GPT2: variants seen among roughly 807,000 people sequenced by gnomAD.
The protein encoded by GPT2 is glutamic--pyruvic transaminase 2.
Under a neutral mutation model 56.9 loss-of-function variants are expected in GPT2, and 30 were observed. The ratio of observed to expected loss-of-function variants is 0.53; its 90% CI spans 0.39 to 0.72. The LOEUF (loss-of-function observed/expected upper bound fraction) is 0.72, where lower values mean the gene tolerates loss of function less well. GPT2 is among the 30% of genes least tolerant of loss of function. GPT2 has a pLI of 0.00. For missense variants in GPT2, 542 were observed against 703.4 expected (o/e 0.77, Z 2.60); for synonymous variants, 271 against 283.1 (o/e 0.96, Z 0.43).
At chr16:46,924,833 G>A (rs34441389) in intron 10 of GPT2, among the ~76,000 whole-genome samples, 1,683 of 152,352 alleles carry the variant, frequency 0.011, 15 homozygotes, top group Non-Finnish European at 0.017. Context: ...ATGCCTGCGG[G>A]GGAAGCAGCA....
intron 2 of GPT2, among the ~76,000 whole-genome samples, chr16:46,893,683 C>A (rs1051282910): frequency 1.3e-5 from 2 of 152,182 alleles, no homozygotes; most frequent in Non-Finnish European, 2.9e-5. Context: ...TGGTGCCCTC[C>A]CCTGATCCCT....
intron 6 of GPT2, among the ~76,000 whole-genome samples, chr16:46,910,635 G>T (rs1042750346): frequency 6.6e-6 from 1 of 152,082 alleles, no homozygotes; most frequent in African/African-American, 2.4e-5. Flanking sequence ...TTACTCTGTG[G>T]CTCCAGGCCT....
rs1043553821 is a variant in GPT2 at position 46,930,114 on chromosome 16, T to C, written c.*1117T>C. 7 of 152,938 alleles carry C rather than the reference T, an allele frequency of 4.6e-5. No individual in the cohort carries two copies. The highest frequency in any genetic ancestry group is 8.8e-5 in the Non-Finnish European group (6 of 68,152). The allele number at this position is 152,938 out of a possible 1,614,324, so 9.5% of individuals were successfully genotyped here. ...TTCATTGCCGTGCTTTCATGCAGAGTGTTTTGCCTTCATGTTAGCTTCCGG... is the reference window on the plus strand; with the variant it reads ...TTCATTGCCGTGCTTTCATGCAGAGCGTTTTGCCTTCATGTTAGCTTCCGG... On this transcript the variant is annotated 3_prime_UTR_variant, in exon 12 of 12. Transcript: ENST00000340124.
chr16:46,907,341 G>A (rs915558202), intron 5 of GPT2, among the ~76,000 whole-genome samples: 6 of 152,228 alleles, frequency 3.9e-5, no homozygotes, highest in Admixed American at 6.5e-5. Context: ...GCCTACACAG[G>A]CAGAGCAGAC....
At chr16:46,910,485 G>T (rs1371552737) in intron 6 of GPT2, among the ~76,000 whole-genome samples, 1 of 151,910 alleles carries the variant, frequency 6.6e-6, no homozygotes. Context: ...AACCCAGGAG[G>T]CAGAGGTTGC....
chr16:46,927,889 C>T (rs1961449368), intron 11 of GPT2, among the ~76,000 whole-genome samples: 1 of 152,052 alleles, frequency 6.6e-6, no homozygotes, highest in Non-Finnish European at 1.5e-5. Context: ...ACTGTGGCAA[C>T]TTGGAAATTC....
Position 46,884,977 on chromosome 16 carries a change from C to A in GPT2, c.243+19C>A. ...GCAGCGGGTGAGCGCGCGCTGGGCC[C>A]CGGGGAGGCTGGGGCCGCTGAGCAA... On this transcript the variant is annotated intron_variant, in intron 2 of 11. Transcript: ENST00000340124. 6.8e-7 allele frequency: 1 copy of A among 1,466,076 alleles called. No individual in the cohort carries two copies. Among genetic ancestry groups the A allele is most frequent in the Non-Finnish European group, 9.1e-7 (1 of 1,100,964 alleles). The allele number at this position is 1,466,076 out of a possible 1,614,324, so 90.8% of individuals were successfully genotyped here.
Position 46,930,310 on chromosome 16 carries a change from C to A in GPT2, c.*1313C>A, listed in dbSNP as rs1348256164. On this transcript the variant is annotated 3_prime_UTR_variant, in exon 12 of 12. Transcript: ENST00000340124. ...CCCTCGCCTCCCTCACTGGGAGCTT[C>A]CCCATCCTCCCTGCCTTCCCCAGTG... The A allele has an allele frequency of 2.0e-5, 3 of 152,286 alleles. No individual in the cohort carries two copies. The highest frequency in any genetic ancestry group is 4.4e-5 in the Non-Finnish European group (3 of 68,058). 9.4% of individuals were successfully genotyped at this position (152,286 alleles called of 1,614,324 possible).
chr16:46,901,865 G>A (rs1418432113), intron 4 of GPT2, among the ~76,000 whole-genome samples: 2 of 152,234 alleles, frequency 1.3e-5, no homozygotes, highest in African/African-American at 4.8e-5. Context: ...GATGGGGTGT[G>A]GGCTGGGGCC....
At chr16:46,923,600 C>T (rs1369119019) in intron 9 of GPT2, among the ~76,000 whole-genome samples, 1 of 152,260 alleles carries the variant, frequency 6.6e-6, no homozygotes, top group Non-Finnish European at 1.5e-5. Flanking sequence ...GGACAGGCCA[C>T]ATAGTGCTTA....
At chr16:46,900,581 C>T (rs1960796409) in intron 3 of GPT2, 101 bp from the exon 4 acceptor site, 2 of 867,750 alleles carry the variant, frequency 2.3e-6, no homozygotes, top group Admixed American at 4.0e-5. Context: ...TTGCGTCAGC[C>T]CCATCCCTGG....
intron 3 of GPT2, among the ~76,000 whole-genome samples, chr16:46,899,035 A>ATTTTT (rs1188592006): frequency 6.5e-5 from 5 of 77,222 alleles, no homozygotes; most frequent in African/African-American, 4.5e-4. Flanking sequence ...ATATATATAT[A>ATTTTT]TTTTTTTTTT....
At chr16:46,888,279 T>C (rs1401999051) in intron 2 of GPT2, among the ~76,000 whole-genome samples, 3 of 152,256 alleles carry the variant, frequency 2.0e-5, no homozygotes, top group Admixed American at 6.5e-5. Context: ...AGAACTAAGA[T>C]TGGAAACCCT....
At chr16:46,926,836 A>G in intron 10 of GPT2, 89 bp from the exon 11 acceptor site, 1 of 808,106 alleles carries the variant, frequency 1.2e-6, no homozygotes, top group Non-Finnish European at 1.9e-6. Context: ...TGGGAGAGAG[A>G]CCTGCCATTT....
intron 7 of GPT2, among the ~76,000 whole-genome samples, chr16:46,918,251 G>A (rs922167595): frequency 5.3e-5 from 8 of 152,218 alleles, no homozygotes; most frequent in Admixed American, 2.6e-4. Flanking sequence ...CACTAATGCC[G>A]TCGTCACCAG....
At chr16:46,920,931 T>C (rs1378284397) in intron 8 of GPT2, among the ~76,000 whole-genome samples, 1 of 152,168 alleles carries the variant, frequency 6.6e-6, no homozygotes, top group Non-Finnish European at 1.5e-5. Flanking sequence ...GGATCCTGAG[T>C]CGTGCCCGGT....
At chr16:46,924,657 TG>T in intron 10 of GPT2, 113 bp downstream of exon 10, 1 of 1,066,920 alleles carries the variant, frequency 9.4e-7, no homozygotes, top group Non-Finnish European at 1.4e-6. Context: ...GGCTCGGAAC[TG>T]TATGCACCTC....
At position 46,930,589 on chromosome 16, in the gene GPT2, T is replaced by C. The variant is rs1388078903; in HGVS notation, c.*1592T>C. 1 of 152,382 alleles carries C rather than the reference T, an allele frequency of 6.6e-6. No individual in the cohort carries two copies. The highest frequency in any genetic ancestry group is 1.5e-5 in the Non-Finnish European group (1 of 68,028). The allele number at this position is 152,382 out of a possible 1,614,324, so 9.4% of individuals were successfully genotyped here. ...CTAAAACTTTTTCTTCCTTAAAAAA[T>C]GGAGAAAATTGCACTTGTGCTTGCT... On this transcript the variant is annotated 3_prime_UTR_variant, in exon 12 of 12. Transcript: ENST00000340124.
chr16:46,922,869 A>T (rs1337559366), intron 9 of GPT2, among the ~76,000 whole-genome samples: 1 of 152,196 alleles, frequency 6.6e-6, no homozygotes, highest in Non-Finnish European at 1.5e-5. Flanking sequence ...TTATGGGTCA[A>T]GTAATCTAGA....
Sources: gnomAD v4.1 joint callset for allele counts (sites outside exome capture counted in the v4.1 genomes callset) on GRCh38, gnomAD v4.1.1 for gene constraint, MANE v1.5 for transcripts, NCBI Gene and HGNC (gene_info 2026-07-23, HGNC 2026-07-21) for gene names.